SPINT1: variants seen among roughly 807,000 people sequenced by gnomAD.
SPINT1 encodes the protein kunitz-type protease inhibitor 1.
A neutral mutation model predicts 53.7 loss-of-function variants in SPINT1; 38 were observed. The observed-to-expected ratio is 0.71, with a 90% CI of 0.55 to 0.93. The LOEUF (loss-of-function observed/expected upper bound fraction) is 0.93, where lower values mean the gene tolerates loss of function less well. Among genes scored for constraint, SPINT1 ranks in the 40% least tolerant of loss-of-function variants. The probability of loss-of-function intolerance (pLI) is 0.00; values close to 1 mark genes in which losing one functional copy is unlikely to be tolerated. For missense variants in SPINT1, 645 were observed against 692.9 expected (o/e 0.93, Z 0.78); for synonymous variants, 283 against 280.6 (o/e 1.01, Z -0.08).
chr15:40,850,469 C>A (rs1247126625), intron 2 of SPINT1, among the ~76,000 whole-genome samples: 1 of 152,242 alleles, frequency 6.6e-6, no homozygotes, highest in Non-Finnish European at 1.5e-5. Flanking sequence ...GGTAGAGTAC[C>A]TAGCATGCTG....
At chr15:40,856,238 C>G in intron 9 of SPINT1, 38 bp from the exon 10 acceptor site, 5 of 1,613,708 alleles carry the variant, frequency 3.1e-6, no homozygotes, top group Non-Finnish European at 2.5e-6. Flanking sequence ...TCTCTGAGCC[C>G]TCAGTACTGA....
chr15:40,855,388 T>C (rs1891601730), intron 8 of SPINT1, among the ~76,000 whole-genome samples: 1 of 151,520 alleles, frequency 6.6e-6, no homozygotes, highest in Admixed American at 6.6e-5. Context: ...CTCAAAACAA[T>C]AATAATAATA....
rs761598510 is a variant in SPINT1, at chr15:40,853,777, C to T, written c.809C>T (p.Pro270Leu). 2 of 1,614,098 alleles carry T rather than the reference C, an allele frequency of 1.2e-6. No individual in the cohort carries two copies. Among genetic ancestry groups the T allele is most frequent in the African/African-American group, 2.7e-5 (2 of 74,946 alleles). Residue 270 changes from proline to leucine, a missense_variant, in exon 5 of 11, where the codon CCC becomes CTC. Physicochemically the swap from Pro to Leu is moderately conservative, Grantham distance 98. Transcript: ENST00000562057. ...TCTTTCCCACGCTGGTACTATGACC[C>T]CACGGAGCAGATCTGCAAGAGTTTC... Reference protein sequence around the residue: ...RGSFPRWYYDPTEQICKSFVY... With the variant: ...RGSFPRWYYDLTEQICKSFVY...
At chr15:40,853,971 G>A in intron 5 of SPINT1, 89 bp from the exon 6 acceptor site, 2 of 1,609,302 alleles carry the variant, frequency 1.2e-6, no homozygotes, top group East Asian at 2.2e-5. Flanking sequence ...GGTGGGTGGT[G>A]GGAGCTCTCC....
intron 8 of SPINT1, among the ~76,000 whole-genome samples, chr15:40,855,485 G>A (rs1177420979): frequency 6.6e-6 from 1 of 152,164 alleles, no homozygotes; most frequent in East Asian, 1.9e-4. Context: ...GCCAGGCGTG[G>A]TGGCTTACAC....
intron 2 of SPINT1, among the ~76,000 whole-genome samples, chr15:40,847,416 A>G (rs1163852689): frequency 6.6e-6 from 1 of 152,206 alleles, no homozygotes; most frequent in Non-Finnish European, 1.5e-5. Flanking sequence ...CTCCTATTGC[A>G]TAGATAAATG....
intron 8 of SPINT1, among the ~76,000 whole-genome samples, chr15:40,855,634 G>GACCC (rs1891609343): frequency 6.6e-6 from 1 of 152,202 alleles, no homozygotes; most frequent in Non-Finnish European, 1.5e-5. Flanking sequence ...CTGAGACCGT[G>GACCC]ACCCAGTCAG....
intron 2 of SPINT1, 65 bp from the exon 3 acceptor site, chr15:40,853,058 TG>T: frequency 1.9e-6 from 3 of 1,563,192 alleles, no homozygotes; most frequent in Non-Finnish European, 2.6e-6. Context: ...CACCCCACTT[TG>T]CTCCTGAGAG....
intron 8 of SPINT1, 51 bp downstream of exon 8, chr15:40,854,740 T>C (rs564648382): frequency 1.2e-6 from 2 of 1,607,750 alleles, no homozygotes; most frequent in African/African-American, 2.7e-5. Flanking sequence ...GACACTGCCA[T>C]CCTCACTATT....
At chr15:40,855,385 CAATAAT>C (rs1029290505) in intron 8 of SPINT1, among the ~76,000 whole-genome samples, 1 of 151,458 alleles carries the variant, frequency 6.6e-6, no homozygotes, top group Non-Finnish European at 1.5e-5. Context: ...TGTCTCAAAA[CAATAAT>C]AATAATAATA....
In SPINT1 at chr15:40,853,570, C is replaced by T; in HGVS notation, c.685C>T (p.His229Tyr). ...CCAGCTGACAGTGACTAGCTCAGAC[C>T]ACCCAGAGGACACGGCCAACGTCAC... Reference protein sequence around the residue: ...LFQLTVTSSDHPEDTANVTVT... With the variant: ...LFQLTVTSSDYPEDTANVTVT... The change falls in exon 4 of 11, where the codon CAC becomes TAC. Residue 229 changes from histidine to tyrosine, a missense_variant. Coordinates refer to ENST00000562057, the MANE Select transcript of SPINT1 (RefSeq NM_003710.4). 1 of 1,614,074 alleles carries T rather than the reference C, an allele frequency of 6.2e-7. No individual in the cohort carries two copies. The highest frequency in any genetic ancestry group is 1.3e-5 in the African/African-American group (1 of 75,044).
Position 40,853,477 on chromosome 15 carries a change from T to A in SPINT1, c.604-12T>A, listed in dbSNP as rs1891524663. Reference sequence around the variant, plus strand: ...GGGGGTGCCCAAGCCTGATAGCCACTCCTGTGTGCAGAGGAAAGACCCAAA... The same window carrying A: ...GGGGGTGCCCAAGCCTGATAGCCACACCTGTGTGCAGAGGAAAGACCCAAA... On this transcript the variant is annotated splice_polypyrimidine_tract_variant and intron_variant, in intron 3 of 10. Transcript: ENST00000562057. 1.2e-6 allele frequency: 2 copies of A among 1,613,848 alleles called. No individual in the cohort carries two copies. The highest frequency in any genetic ancestry group is 2.7e-5 in the African/African-American group (2 of 74,886).
At chr15:40,854,166 C>G (rs1891556756) in intron 6 of SPINT1, 80 bp downstream of exon 6, 1 of 1,462,594 alleles carries the variant, frequency 6.8e-7, no homozygotes, top group African/African-American at 1.4e-5. Flanking sequence ...AAGCAGCCTG[C>G]CTTTGACCAA....
chr15:40,845,086 T>C, intron 2 of SPINT1, 57 bp downstream of exon 2: 3 of 1,436,848 alleles, frequency 2.1e-6, no homozygotes, highest in Non-Finnish European at 1.9e-6. Flanking sequence ...GGACTGGTTA[T>C]GGGGTCCTAG....
rs1373327615 is a variant in SPINT1, at chr15:40,844,936, G to T, written c.382G>T (p.Val128Leu). 1.9e-6 allele frequency: 3 copies of T among 1,613,870 alleles called. No homozygotes were observed. The highest frequency in any genetic ancestry group is 1.3e-5 in the African/African-American group (1 of 74,922). Residue 128 changes from valine (V) to leucine (L), a missense_variant, in exon 2 of 11, where the codon GTG becomes TTG. By Grantham distance (32) the Val-to-Leu change is conservative (BLOSUM62 1). Transcript: ENST00000562057. This position sits in a 1 kb window ranked among gnomAD's most constrained non-coding sequence, Gnocchi z 5.8. Reference sequence around the variant, plus strand: ...CAACTGCCTCTACGAGCAGAACTTCGTGTGCAAGTTCGCGCCCAGGGAGGG... The same window carrying T: ...CAACTGCCTCTACGAGCAGAACTTCTTGTGCAAGTTCGCGCCCAGGGAGGG... ...LINCLYEQNFVCKFAPREGFI... is the reference protein window; with the variant it reads ...LINCLYEQNFLCKFAPREGFI...
Position 40,857,006 on chromosome 15 carries a change from T to C in SPINT1, c.*31T>C. 4 of 1,608,214 alleles carry C rather than the reference T, an allele frequency of 2.5e-6. No homozygotes were observed. Among genetic ancestry groups the C allele is most frequent in the Non-Finnish European group, 3.4e-6 (4 of 1,175,646 alleles). Reference sequence around the variant, plus strand: ...GGTCTCACCGGCTCTCACCTGGCCCTGCTTCCTGCTTGCCAAGGCAGAGGC... The same window carrying C: ...GGTCTCACCGGCTCTCACCTGGCCCCGCTTCCTGCTTGCCAAGGCAGAGGC... On this transcript the variant is annotated 3_prime_UTR_variant, in exon 11 of 11. Transcript: ENST00000562057.
intron 2 of SPINT1, among the ~76,000 whole-genome samples, chr15:40,845,579 G>C (rs1891271108): frequency 1.3e-5 from 2 of 152,150 alleles, no homozygotes; most frequent in Non-Finnish European, 2.9e-5. Context: ...AAATGAAAGG[G>C]GACATGAGTA....
intron 2 of SPINT1, among the ~76,000 whole-genome samples, chr15:40,849,413 T>G (rs1891392780): frequency 6.6e-6 from 1 of 152,100 alleles, no homozygotes; most frequent in African/African-American, 2.4e-5. Flanking sequence ...CCTAGCTAAT[T>G]TTTTATTTTG....
In SPINT1 at chr15:40,856,062, A is replaced by G. The variant is rs1428284106; in HGVS notation, c.1288A>G (p.Lys430Glu). ...CCTCGAGTCTTGTCGCGGCATCTCC[A>G]GTGAGTGGGCCAGTGAGAGGGTGGG... Reference protein sequence around the residue: ...QCLESCRGISKKDVFGLRREI... With the variant: ...QCLESCRGISEKDVFGLRREI... Residue 430 changes from lysine (K) to glutamate (E), a missense_variant and splice_region_variant, in exon 9 of 11, where the codon AAG becomes GAG. Lys to Glu is a moderately conservative substitution (Grantham distance 56). Transcript: ENST00000562057. The G allele has an allele frequency of 1.9e-6, 3 of 1,613,900 alleles. No homozygotes were observed. The highest frequency in any genetic ancestry group is 2.7e-5 in the African/African-American group (2 of 75,050).
Sources: gnomAD v4.1 joint callset for allele counts (sites outside exome capture counted in the v4.1 genomes callset) on GRCh38, gnomAD v4.1.1 for gene constraint, Gnocchi (gnomAD v3.1) non-coding constraint, MANE v1.5 for transcripts, NCBI Gene and HGNC (gene_info 2026-07-23, HGNC 2026-07-21) for gene names.